Variants in PRDM11 observed in about 807,000 individuals in gnomAD.
PRDM11 encodes the protein PR/SET domain 11.
In PRDM11, 20 loss-of-function variants were observed where a neutral mutation model predicts 97.8. That is an observed-to-expected ratio of 0.20 (90% CI 0.14 to 0.30). PRDM11 has a LOEUF of 0.30. Among genes scored for constraint, PRDM11 ranks in the 10% least tolerant of loss-of-function variants. PRDM11 has a pLI of 1.00. For missense variants in PRDM11, 1,139 were observed against 1,555.2 expected, an observed-to-expected ratio of 0.73 and a Z score of 4.50; for synonymous variants, 599 against 637.7, an observed-to-expected ratio of 0.94 and a Z score of 0.91.
At chr11:45,207,409 C>G (rs904962026) in intron 5 of PRDM11, among the ~76,000 whole-genome samples, 1 of 151,926 alleles carries the variant, frequency 6.6e-6, no homozygotes, top group Non-Finnish European at 1.5e-5. Context: ...GGTTCTCAAC[C>G]GAGCACTATT....
At chr11:45,116,869 G>C (rs760223752) in intron 1 of PRDM11, among the ~76,000 whole-genome samples, 2 of 151,992 alleles carry the variant, frequency 1.3e-5, no homozygotes, top group Non-Finnish European at 2.9e-5. Context: ...TCAAATGCAA[G>C]AAAGAAAAAA....
chr11:45,128,054 C>T (rs1391925262), intron 1 of PRDM11, among the ~76,000 whole-genome samples: 4 of 152,214 alleles, frequency 2.6e-5, no homozygotes, highest in East Asian at 1.9e-4. Context: ...CAATGGCAGG[C>T]GCCCCTCCCC....
rs1310111430 is a variant in PRDM11 at position 45,219,613 on chromosome 11, G to A, written c.598G>A (p.Ala200Thr). The A allele has an allele frequency of 1.2e-6, 2 of 1,614,032 alleles. No homozygotes were observed. The highest frequency in any genetic ancestry group is 2.7e-5 in the African/African-American group (2 of 74,932). The change falls in exon 6 of 8, where the codon GCG becomes ACG. Residue 200 changes from alanine to threonine, a missense_variant. Coordinates refer to ENST00000683152, the MANE Select transcript of PRDM11 (RefSeq NM_001384648.1). The surrounding 1 kb of genome is among the most constrained non-coding windows in gnomAD (Gnocchi z 4.2). ...SREEREQNLL[A>T]FQHSERIYFR... Reference sequence around the variant, plus strand: ...GGAGGAGAGGGAGCAGAACCTGCTGGCGTTCCAGCACAGTGAGCGCATCTA... The same window carrying A: ...GGAGGAGAGGGAGCAGAACCTGCTGACGTTCCAGCACAGTGAGCGCATCTA...
At chr11:45,128,357 C>T (rs1852632484) in intron 1 of PRDM11, among the ~76,000 whole-genome samples, 1 of 152,172 alleles carries the variant, frequency 6.6e-6, no homozygotes, top group Non-Finnish European at 1.5e-5. Flanking sequence ...ACCCACTGTC[C>T]TGCACCCACT....
At chr11:45,097,522 A>ATT (rs200269217) in intron 1 of PRDM11, among the ~76,000 whole-genome samples, 25,471 of 152,100 alleles carry the variant, frequency 0.17, 3,024 homozygotes, top group African/African-American at 0.34. Flanking sequence ...GGGGTGGAAC[A>ATT]AATCACTCAA....
At position 45,146,816 on chromosome 11, in the gene PRDM11, AGCCGCCCGCCGGGCCGCTCTC is replaced by A. The variant is rs1334999560; in HGVS notation, c.-59_-39del. 2 of 145,524 alleles carry A rather than the reference AGCCGCCCGCCGGGCCGCTCTC, an allele frequency of 1.4e-5. No homozygotes were observed. The allele number at this position is 145,524 out of a possible 1,614,324, so 9.0% of individuals were successfully genotyped here. ...AGCCGAGGCCGCGCCGCCTCCGCCG[AGCCGCCCGCCGGGCCGCTCTC>A]GCCGCCCGGGCCCCGCGGCTGCCGC... On this transcript the variant is annotated 5_prime_UTR_variant, in exon 1 of 8. Transcript: ENST00000683152.
At chr11:45,171,178 C>G (rs1852193878) in intron 1 of PRDM11, among the ~76,000 whole-genome samples, 2 of 152,206 alleles carry the variant, frequency 1.3e-5, no homozygotes, top group South Asian at 4.1e-4. Flanking sequence ...AGGCTCACTG[C>G]AACCTCCACC....
chr11:45,205,194 G>A (rs1853465109), intron 5 of PRDM11, among the ~76,000 whole-genome samples: 1 of 152,202 alleles, frequency 6.6e-6, no homozygotes, highest in African/African-American at 2.4e-5. Context: ...TGGAAGAAAG[G>A]GCTCTGACAA....
chr11:45,144,535 T>A (rs1360550655), upstream of PRDM11, among the ~76,000 whole-genome samples: 1 of 152,154 alleles, frequency 6.6e-6, no homozygotes, highest in Non-Finnish European at 1.5e-5. Flanking sequence ...GCCAGCTCAT[T>A]CTCTTAAAGA....
chr11:45,196,283 A>G (rs949797249), intron 4 of PRDM11, among the ~76,000 whole-genome samples: 3 of 151,984 alleles, frequency 2.0e-5, no homozygotes, highest in Non-Finnish European at 4.4e-5. Flanking sequence ...TGTTCATTTC[A>G]GTGGTTATTT....
chr11:45,110,931 C>G (rs576566414), intron 1 of PRDM11, among the ~76,000 whole-genome samples: 1 of 152,190 alleles, frequency 6.6e-6, no homozygotes, highest in Non-Finnish European at 1.5e-5. Context: ...CAGATTCCCC[C>G]CTTACCCCCC....
At chr11:45,153,460 G>A (rs1243123315) in intron 1 of PRDM11, among the ~76,000 whole-genome samples, 5 of 152,240 alleles carry the variant, frequency 3.3e-5, no homozygotes, top group South Asian at 2.1e-4. Context: ...GGACAGCTCC[G>A]GAGAAAGACG....
chr11:45,219,424 C>T lies in PRDM11; in HGVS notation c.555-146C>T. ...TTCTGGCTGGTGCTGCTTCTCCGGA[C>T]AGGGCAGCTGCTCTGCTGATGTTCA... On this transcript the variant is annotated intron_variant, in intron 5 of 7. Coordinates refer to ENST00000683152, the MANE Select transcript of PRDM11 (RefSeq NM_001384648.1). This position sits in a 1 kb window ranked among gnomAD's most constrained non-coding sequence, Gnocchi z 4.2. 2.7e-6 allele frequency: 2 copies of T among 747,520 alleles called. No individual in the cohort carries two copies. The highest frequency in any genetic ancestry group is 4.3e-6 in the Non-Finnish European group (2 of 468,466). 46.3% of individuals were successfully genotyped at this position (747,520 alleles called of 1,614,324 possible). A position where few individuals can be genotyped will look rare whatever the true frequency, so the allele number is the denominator to read the frequency against.
chr11:45,169,523 A>G (rs757554760), intron 1 of PRDM11, among the ~76,000 whole-genome samples: 3 of 152,254 alleles, frequency 2.0e-5, no homozygotes, highest in Non-Finnish European at 2.9e-5. Context: ...TTTATTTCTC[A>G]TAACAGCCTT....
chr11:45,169,768 C>G (rs1160621641), intron 1 of PRDM11, among the ~76,000 whole-genome samples: 1 of 152,174 alleles, frequency 6.6e-6, no homozygotes, highest in African/African-American at 2.4e-5. Flanking sequence ...TGAATCCAGG[C>G]AGCCCAGCAC....
chr11:45,101,010 G>C (rs972979739), intron 1 of PRDM11, among the ~76,000 whole-genome samples: 1 of 152,190 alleles, frequency 6.6e-6, no homozygotes, highest in Admixed American at 6.5e-5. Context: ...TTCCAACAGA[G>C]GGACAAGTAT....
At chr11:45,097,894 A>T (rs1851911192) in intron 1 of PRDM11, among the ~76,000 whole-genome samples, 1 of 152,238 alleles carries the variant, frequency 6.6e-6, no homozygotes, top group African/African-American at 2.4e-5. Context: ...AGGAATTTGG[A>T]AGGCAGGGGA....
chr11:45,209,430 C>T, intron 5 of PRDM11: 1 of 309,558 alleles, frequency 3.2e-6, no homozygotes. Flanking sequence ...ATCCTCCCCT[C>T]CTTCTCCCAC....
intron 4 of PRDM11, among the ~76,000 whole-genome samples, chr11:45,188,629 C>T (rs79902078): frequency 6.6e-6 from 1 of 152,238 alleles, no homozygotes; most frequent in South Asian, 2.1e-4. Context: ...GCCATTTCCA[C>T]TCCACAACTC....
Sources: gnomAD v4.1 joint callset for allele counts (sites outside exome capture counted in the v4.1 genomes callset) on GRCh38, gnomAD v4.1.1 for gene constraint, Gnocchi (gnomAD v3.1) non-coding constraint, MANE v1.5 for transcripts, NCBI Gene and HGNC (gene_info 2026-07-23, HGNC 2026-07-21) for gene names.